Variants in GRM8 observed in about 807,000 individuals in gnomAD.
The protein encoded by GRM8 is metabotropic glutamate receptor 8.
A neutral mutation model predicts 87.2 loss-of-function variants in GRM8; 47 were observed. The ratio of observed to expected loss-of-function variants is 0.54; its 90% CI spans 0.43 to 0.69. The LOEUF (loss-of-function observed/expected upper bound fraction) is 0.69. Among genes scored for constraint, GRM8 ranks in the 30% least tolerant of loss-of-function variants. GRM8 has a pLI of 0.00. For synonymous variants in GRM8, 396 were observed against 404.5 expected (o/e 0.98, Z 0.25); for missense variants, 1,019 against 1,139.2 (o/e 0.89, Z 1.52).
At chr7:126,545,572 TA>T (rs1484410267) in intron 8 of GRM8, among the ~76,000 whole-genome samples, 1 of 152,238 alleles carries the variant, frequency 6.6e-6, no homozygotes, top group African/African-American at 2.4e-5. Context: ...TTTAATGTGA[TA>T]TTTTTGTGAA....
chr7:127,071,469 A>C (rs1821680354), intron 3 of GRM8, among the ~76,000 whole-genome samples: 1 of 152,186 alleles, frequency 6.6e-6, no homozygotes, highest in Non-Finnish European at 1.5e-5. Flanking sequence ...ACTCAAAGTC[A>C]AGCATGAAGG....
intron 7 of GRM8, among the ~76,000 whole-genome samples, chr7:126,768,100 T>C (rs2151599193): frequency 6.6e-6 from 1 of 152,158 alleles, no homozygotes; most frequent in East Asian, 1.9e-4. Context: ...ACCTACTCCC[T>C]TCAGATTTCA....
chr7:126,862,598 C>T (rs1205577282), intron 6 of GRM8, among the ~76,000 whole-genome samples: 1 of 151,832 alleles, frequency 6.6e-6, no homozygotes, highest in Non-Finnish European at 1.5e-5. Context: ...CTGCATGCAT[C>T]CTTGTGGAAG....
rs555173518 is a variant in GRM8, at chr7:127,087,217, C to A, written c.727+19279G>T. Reference sequence around the variant, plus strand: ...GCCCTTCTCCACTGCAGGGTTCCAGCTTAGAGCAACACCAAGCTGTGGGAG... The same window carrying A: ...GCCCTTCTCCACTGCAGGGTTCCAGATTAGAGCAACACCAAGCTGTGGGAG... On this transcript the variant is annotated intron_variant, in intron 3 of 10. Transcript: ENST00000339582. Among the ~76,000 whole-genome samples the A allele has an allele frequency of 3.3e-5, 5 of 152,304 alleles. No homozygotes were observed. In the East Asian group the frequency reaches 9.7e-4, roughly 29 times the overall value.
chr7:126,780,564 A>T (rs1673836158), intron 6 of GRM8, among the ~76,000 whole-genome samples: 1 of 152,192 alleles, frequency 6.6e-6, no homozygotes, highest in South Asian at 2.1e-4. Context: ...CTACGATCTG[A>T]AAGATAAATG....
At chr7:126,660,422 C>T (rs956471583) in intron 7 of GRM8, among the ~76,000 whole-genome samples, 13 of 152,114 alleles carry the variant, frequency 8.5e-5, no homozygotes, top group South Asian at 4.1e-4. Context: ...CTAATATCTA[C>T]GAACATTATT....
chr7:126,661,556 C>T (rs1359654569), intron 7 of GRM8, among the ~76,000 whole-genome samples: 1 of 152,126 alleles, frequency 6.6e-6, no homozygotes, highest in South Asian at 2.1e-4. Context: ...GCATGAATAG[C>T]CCCGGCTTCA....
intron 9 of GRM8, among the ~76,000 whole-genome samples, chr7:126,518,101 C>G (rs1812437670): frequency 1.3e-5 from 2 of 152,034 alleles, no homozygotes; most frequent in Non-Finnish European, 1.5e-5. Flanking sequence ...ATGTCCTTCC[C>G]TCTTTTTTAG....
chr7:126,909,285 T>C (rs1263603291), intron 3 of GRM8, among the ~76,000 whole-genome samples: 2 of 152,152 alleles, frequency 1.3e-5, no homozygotes, highest in East Asian at 3.9e-4. Context: ...GTTTAAAAAA[T>C]AAAATGAAAT....
chr7:126,817,219 C>T (rs572452544), intron 6 of GRM8, among the ~76,000 whole-genome samples: 1 of 152,014 alleles, frequency 6.6e-6, no homozygotes, highest in Non-Finnish European at 1.5e-5. Flanking sequence ...TGACAAGGGG[C>T]AGAATTTGGA....
At chr7:126,474,942 G>T (rs550557472) in intron 9 of GRM8, among the ~76,000 whole-genome samples, 1 of 152,064 alleles carries the variant, frequency 6.6e-6, no homozygotes, top group Non-Finnish European at 1.5e-5. Flanking sequence ...ATCCTTTCAT[G>T]ATAAAAATAA....
At chr7:127,104,189 A>G (rs1191050642) in intron 3 of GRM8, among the ~76,000 whole-genome samples, 1 of 152,160 alleles carries the variant, frequency 6.6e-6, no homozygotes, top group East Asian at 1.9e-4. Flanking sequence ...TGAGTTGGGG[A>G]AATATACAAT....
intron 6 of GRM8, among the ~76,000 whole-genome samples, chr7:126,806,952 C>G (rs1792830628): frequency 6.6e-6 from 1 of 152,216 alleles, no homozygotes; most frequent in Non-Finnish European, 1.5e-5. Flanking sequence ...GCCCCCACAG[C>G]TCAGCGGTGG....
rs1798913347 is a variant in GRM8 at position 127,252,179 on chromosome 7, G to A, written c.-312+618C>T. The A allele has an allele frequency of 6.6e-6, 1 of 152,174 alleles. No homozygotes were observed. The highest frequency in any genetic ancestry group is 2.4e-5 in the African/African-American group (1 of 41,416). 9.4% of individuals were successfully genotyped at this position (152,174 alleles called of 1,614,324 possible). A position where few individuals can be genotyped will look rare whatever the true frequency, so the allele number is the denominator to read the frequency against. On this transcript the variant is annotated intron_variant, in intron 1 of 10. Transcript: ENST00000339582. This position sits in a 1 kb window ranked among gnomAD's most constrained non-coding sequence, Gnocchi z 4.9. Reference sequence around the variant, plus strand: ...GGATTCCACCAGGGCAGGTCCGGGAGGTCACCCAGGGCAGACGATCCGAGG... The same window carrying A: ...GGATTCCACCAGGGCAGGTCCGGGAAGTCACCCAGGGCAGACGATCCGAGG...
intron 3 of GRM8, among the ~76,000 whole-genome samples, chr7:126,917,409 A>G (rs1030541390): frequency 6.6e-6 from 1 of 151,964 alleles, no homozygotes; most frequent in African/African-American, 2.4e-5. Context: ...ATGGACACGC[A>G]CACACACACA....
At chr7:127,110,074 A>C (rs181031562) in intron 2 of GRM8, among the ~76,000 whole-genome samples, 1 of 151,712 alleles carries the variant, frequency 6.6e-6, no homozygotes, top group Admixed American at 6.6e-5. Context: ...TCTCCACCTA[A>C]CCCCTCACCC....
intron 9 of GRM8, among the ~76,000 whole-genome samples, chr7:126,490,220 G>A (rs1370589204): frequency 1.3e-5 from 2 of 151,988 alleles, no homozygotes; most frequent in Admixed American, 6.6e-5. Context: ...ACCAACATTT[G>A]GGTCTTGTTT....
At chr7:126,879,728 C>T (rs1799859054) in intron 6 of GRM8, among the ~76,000 whole-genome samples, 1 of 152,132 alleles carries the variant, frequency 6.6e-6, no homozygotes, top group Non-Finnish European at 1.5e-5. Context: ...CTTTATTATA[C>T]TAATTTTTTC....
At position 127,216,286 on chromosome 7, in the gene GRM8, AGGC is replaced by A. The variant is rs986673303; in HGVS notation, c.510+26406_510+26408del. On this transcript the variant is annotated intron_variant, in intron 2 of 10. Coordinates refer to ENST00000339582, the MANE Select transcript of GRM8 (RefSeq NM_000845.3). The stretch of plus-strand genomic sequence containing the variant: ...GTAATCTCAGCACTTTGGGAGGCCG[AGGC>A]GGGAGGATCACGAGGTCAGGAGATT... 5.3e-4 allele frequency among the ~76,000 whole-genome samples: 80 copies of A among 152,266 alleles called. 1 individual carries two copies. The highest frequency in any genetic ancestry group is 1.8e-3 in the African/African-American group (74 of 41,538).
Sources: allele counts gnomAD v4.1 joint callset (sites outside exome capture counted in the v4.1 genomes callset), GRCh38; gene constraint gnomAD v4.1.1; non-coding constraint Gnocchi (gnomAD v3.1); transcripts MANE v1.5; gene names NCBI Gene and HGNC (gene_info 2026-07-23, HGNC 2026-07-21).